SLC4A5: variants seen among roughly 807,000 people sequenced by gnomAD.
SLC4A5 encodes the protein solute carrier family 4 member 5.
A neutral mutation model predicts 120.4 loss-of-function variants in SLC4A5; 96 were observed. The observed-to-expected ratio is 0.80, with a 90% CI of 0.68 to 0.94. The LOEUF (loss-of-function observed/expected upper bound fraction) is 0.94, where lower values mean the gene tolerates loss of function less well. Ranked by LOEUF, SLC4A5 falls within the 40% of genes least tolerant of loss-of-function variation. The pLI is 0.00. For synonymous variants in SLC4A5, 550 were observed against 571.1 expected, an observed-to-expected ratio of 0.96 and a Z score of 0.53; for missense variants, 1,259 against 1,459.5, an observed-to-expected ratio of 0.86 and a Z score of 2.24.
chr2:74,265,098 C>T lies in SLC4A5; in HGVS notation c.562+6G>A. The T allele has an allele frequency of 4.3e-6, 7 of 1,611,020 alleles. No individual in the cohort carries two copies. The highest frequency in any genetic ancestry group is 5.9e-6 in the Non-Finnish European group (7 of 1,178,002). On this transcript the variant is annotated splice_donor_region_variant and intron_variant, in intron 9 of 30. Coordinates refer to ENST00000394019, the Ensembl canonical transcript of SLC4A5. ...GGAGAGATGCACACAGTGGCCCCTG[C>T]CTCACCTATGATCTGTGGTAAGGAG...
intron 8 of SLC4A5, among the ~76,000 whole-genome samples, chr2:74,270,515 T>C (rs2104080890): frequency 6.6e-6 from 1 of 152,066 alleles, no homozygotes; most frequent in South Asian, 2.1e-4. Flanking sequence ...CTACTAAAAA[T>C]ACAAAAAATT....
In SLC4A5 at chr2:74,248,539, C is replaced by T. The variant is rs1670691755; in HGVS notation, c.1654-53G>A. 3.7e-6 allele frequency: 6 copies of T among 1,602,948 alleles called. No homozygotes were observed. In the African/African-American group the frequency reaches 8.0e-5, roughly 21 times the overall value. ...GCATAGGAAGGAGAAGCGGTCTCTCCACACAGGCTGCAGCCCCAGCGATCT... is the reference window on the plus strand; with the variant it reads ...GCATAGGAAGGAGAAGCGGTCTCTCTACACAGGCTGCAGCCCCAGCGATCT... On this transcript the variant is annotated intron_variant, in intron 17 of 30. Transcript: ENST00000394019.
chr2:74,254,011 A>G (rs1196416820), intron 14 of SLC4A5, among the ~76,000 whole-genome samples: 1 of 152,232 alleles, frequency 6.6e-6, no homozygotes, highest in African/African-American at 2.4e-5. Flanking sequence ...AAATAATAAT[A>G]AAAGTGAGAC....
At chr2:74,261,852 G>A (rs982353110) in intron 11 of SLC4A5, among the ~76,000 whole-genome samples, 14 of 152,154 alleles carry the variant, frequency 9.2e-5, no homozygotes, top group African/African-American at 3.4e-4. Flanking sequence ...GAAGATGAAG[G>A]TACAGACTAA....
chr2:74,293,353 T>C (rs577485394), intron 7 of SLC4A5, among the ~76,000 whole-genome samples: 4 of 152,294 alleles, frequency 2.6e-5, no homozygotes, highest in East Asian at 3.9e-4. Context: ...GCCCAGCCCA[T>C]GTCCCCTCCT....
At chr2:74,278,847 C>T (rs1671723545) in intron 8 of SLC4A5, among the ~76,000 whole-genome samples, 1 of 152,240 alleles carries the variant, frequency 6.6e-6, no homozygotes, top group Admixed American at 6.5e-5. Context: ...TGTGACTCCA[C>T]TGCAATAAAA....
chr2:74,282,379 T>C (rs1671840996), intron 8 of SLC4A5, among the ~76,000 whole-genome samples: 1 of 152,264 alleles, frequency 6.6e-6, no homozygotes. Context: ...CTGCCTAGAA[T>C]TGGGTTCGAC....
chr2:74,224,981 G>A, exon 28 of SLC4A5: 1 of 1,614,088 alleles, frequency 6.2e-7, no homozygotes, highest in Non-Finnish European at 8.5e-7. Flanking sequence ...TTCGAACGAT[G>A]ATGAGGCCCA....
intron 25 of SLC4A5, 37 bp downstream of exon 25, chr2:74,231,199 A>G: frequency 6.3e-7 from 1 of 1,582,728 alleles, no homozygotes; most frequent in Non-Finnish European, 8.6e-7. Context: ...CTGCTTTCTC[A>G]GGCAACGAGG....
intron 7 of SLC4A5, among the ~76,000 whole-genome samples, chr2:74,297,051 T>G (rs991052370): frequency 2.6e-5 from 4 of 152,146 alleles, no homozygotes; most frequent in Non-Finnish European, 4.4e-5. Flanking sequence ...TTTGATCTTT[T>G]GGTGATCCCA....
At chr2:74,266,318 G>A (rs765966363) in intron 8 of SLC4A5, among the ~76,000 whole-genome samples, 1 of 152,126 alleles carries the variant, frequency 6.6e-6, no homozygotes, top group African/African-American at 2.4e-5. Flanking sequence ...CCCCAGGCTG[G>A]AGTGCAGTGG....
exon 31 of SLC4A5, chr2:74,218,693 C>G (rs1432643208): frequency 6.5e-6 from 1 of 152,680 alleles, no homozygotes; most frequent in African/African-American, 2.4e-5. Flanking sequence ...CATAGTCTGA[C>G]TCCATCTCTA....
intron 8 of SLC4A5, among the ~76,000 whole-genome samples, chr2:74,270,941 A>G (rs1197873779): frequency 3.3e-5 from 5 of 152,210 alleles, no homozygotes; most frequent in Admixed American, 3.3e-4. Context: ...ACACTAGCTG[A>G]AAGGGTCTCC....
chr2:74,333,330 G>A (rs1030116255), intron 4 of SLC4A5, among the ~76,000 whole-genome samples: 1 of 152,158 alleles, frequency 6.6e-6, no homozygotes, highest in African/African-American at 2.4e-5. Context: ...TCAGGCAAAA[G>A]GAGCACTCAA....
In SLC4A5 at chr2:74,254,600, G is replaced by A; in HGVS notation, c.1113+19C>T. ...GGAGCTGTAAAATTCAGGAGTACAA[G>A]CTTCTGGTTACCACTTACATCATCT... On this transcript the variant is annotated intron_variant, in intron 14 of 30. Transcript: ENST00000394019. 1 of 1,603,180 alleles carries A rather than the reference G, an allele frequency of 6.2e-7. No homozygotes were observed. The highest frequency in any genetic ancestry group is 2.2e-5 in the East Asian group (1 of 44,828).
At chr2:74,313,648 G>A (rs1672877045) in intron 6 of SLC4A5, among the ~76,000 whole-genome samples, 1 of 152,142 alleles carries the variant, frequency 6.6e-6, no homozygotes, top group Non-Finnish European at 1.5e-5. Flanking sequence ...AGAATGACTA[G>A]TTTCCCTTCT....
intron 8 of SLC4A5, among the ~76,000 whole-genome samples, chr2:74,273,487 T>A (rs1475169246): frequency 6.6e-6 from 1 of 152,220 alleles, no homozygotes; most frequent in Non-Finnish European, 1.5e-5. Context: ...TCTATCTATG[T>A]GGCCTCACCA....
At chr2:74,233,217 C>A (rs1389693743) in intron 23 of SLC4A5, among the ~76,000 whole-genome samples, 185 bp downstream of exon 23, 1 of 152,210 alleles carries the variant, frequency 6.6e-6, no homozygotes, top group African/African-American at 2.4e-5. Flanking sequence ...GTCACTCCAG[C>A]CCTGGTGGCC....
exon 15 of SLC4A5, chr2:74,253,084 C>A (rs1171425546): frequency 1.2e-6 from 2 of 1,614,138 alleles, no homozygotes; most frequent in African/African-American, 2.7e-5. Flanking sequence ...TTCCTGCGAT[C>A]AGATCTTCCC....
Sources: gnomAD v4.1 joint callset for allele counts (sites outside exome capture counted in the v4.1 genomes callset) on GRCh38, gnomAD v4.1.1 for gene constraint, MANE v1.5 for transcripts, NCBI Gene and HGNC (gene_info 2026-07-23, HGNC 2026-07-21) for gene names.